FOXN3: variants seen among roughly 807,000 people sequenced by gnomAD.
FOXN3 encodes the protein forkhead box protein N3.
FOXN3 carries 7 observed loss-of-function variants against 38.4 expected under a neutral mutation model. The ratio of observed to expected loss-of-function variants is 0.18; its 90% CI spans 0.10 to 0.34. The LOEUF (loss-of-function observed/expected upper bound fraction) is 0.34. Among genes scored for constraint, FOXN3 ranks in the 10% least tolerant of loss-of-function variants. The pLI, the probability that FOXN3 is intolerant of heterozygous loss-of-function variation, is 1.00. For missense variants in FOXN3, 456 were observed against 613.4 expected (o/e 0.74, Z 2.71); for synonymous variants, 230 against 242.2 (o/e 0.95, Z 0.47).
chr14:89,236,752 G>T (rs752868903), intron 4 of FOXN3, among the ~76,000 whole-genome samples: 6 of 152,178 alleles, frequency 3.9e-5, no homozygotes, highest in African/African-American at 9.7e-5. Context: ...CTAGCTGTGG[G>T]GACACTTAAA....
chr14:89,475,206 T>C (rs1276005265), intron 1 of FOXN3, among the ~76,000 whole-genome samples: 2 of 152,232 alleles, frequency 1.3e-5, no homozygotes, highest in African/African-American at 2.4e-5. Flanking sequence ...TATAAAGACA[T>C]AGATATTTAC....
At chr14:89,274,920 G>A (rs1172851016) in intron 4 of FOXN3, among the ~76,000 whole-genome samples, 1 of 152,218 alleles carries the variant, frequency 6.6e-6, no homozygotes, top group Admixed American at 6.5e-5. Context: ...CCAGGAAGGC[G>A]AAGAGTGCAA....
chr14:89,503,273 C>T (rs1893840556), intron 1 of FOXN3, among the ~76,000 whole-genome samples: 1 of 151,774 alleles, frequency 6.6e-6, no homozygotes, highest in Non-Finnish European at 1.5e-5. Flanking sequence ...AACATTGTTC[C>T]TTCTATATTA....
intron 3 of FOXN3, among the ~76,000 whole-genome samples, chr14:89,309,716 G>A (rs1189434121): frequency 1.3e-5 from 2 of 152,080 alleles, no homozygotes; most frequent in Non-Finnish European, 1.5e-5. Flanking sequence ...GGGGTGCGAC[G>A]GAACCATTTT....
chr14:89,399,399 C>G (rs1246584502), intron 2 of FOXN3, among the ~76,000 whole-genome samples: 1 of 152,138 alleles, frequency 6.6e-6, no homozygotes, highest in East Asian at 1.9e-4. Flanking sequence ...TGAGTGTCCA[C>G]GTGGCCGCAG....
chr14:89,521,384 GAC>G (rs1555358486), intron 1 of FOXN3, among the ~76,000 whole-genome samples: 3 of 150,204 alleles, frequency 2.0e-5, no homozygotes, highest in African/African-American at 7.4e-5. Context: ...GAGAGAGAGA[GAC>G]AGATAGAATA....
chr14:89,430,512 GT>G (rs1326279525), intron 1 of FOXN3, among the ~76,000 whole-genome samples: 3 of 152,150 alleles, frequency 2.0e-5, no homozygotes, highest in African/African-American at 4.8e-5. Context: ...TAGCTCTTCT[GT>G]TTTTATAAAC....
At chr14:89,270,380 G>T (rs993266402) in intron 4 of FOXN3, among the ~76,000 whole-genome samples, 1 of 152,236 alleles carries the variant, frequency 6.6e-6, no homozygotes, top group Non-Finnish European at 1.5e-5. Context: ...GCAAGACATT[G>T]CAGAAATGCT....
intron 4 of FOXN3, among the ~76,000 whole-genome samples, chr14:89,192,904 T>G (rs1887998510): frequency 1.3e-5 from 2 of 151,808 alleles, no homozygotes; most frequent in Non-Finnish European, 1.5e-5. Context: ...CTGCCCCGGG[T>G]CCCTTGGTCC....
chr14:89,616,686 T>C (rs1378088115), intron 1 of FOXN3, among the ~76,000 whole-genome samples: 2 of 152,204 alleles, frequency 1.3e-5, no homozygotes, highest in African/African-American at 4.8e-5. Context: ...CCTTTCTGGC[T>C]CTCAAAAGAG....
chr14:89,568,980 A>G (rs7142032), intron 1 of FOXN3, among the ~76,000 whole-genome samples: 118,165 of 152,156 alleles, frequency 0.78, 46,791 homozygotes, highest in Non-Finnish European at 0.86. Flanking sequence ...CAAGGCGGGC[A>G]GATCACGAGG....
chr14:89,536,534 C>A (rs530192971), intron 1 of FOXN3, among the ~76,000 whole-genome samples: 30 of 152,300 alleles, frequency 2.0e-4, no homozygotes, highest in African/African-American at 5.3e-4. Flanking sequence ...ATAATCCCAG[C>A]ACTTTGGGAG....
At chr14:89,337,346 G>C (rs975331853) in intron 3 of FOXN3, among the ~76,000 whole-genome samples, 1 of 152,196 alleles carries the variant, frequency 6.6e-6, no homozygotes. Context: ...AAGAAGAAAA[G>C]AATGTAGGGG....
intron 1 of FOXN3, among the ~76,000 whole-genome samples, chr14:89,534,175 G>A (rs1465984925): frequency 4.2e-5 from 6 of 142,194 alleles, no homozygotes; most frequent in African/African-American, 1.3e-4. Flanking sequence ...GCTCTATCTC[G>A]GCTCACTGCA....
intron 2 of FOXN3, among the ~76,000 whole-genome samples, chr14:89,372,720 TA>T (rs5810458): frequency 0.42 from 60,974 of 143,948 alleles, 13,815 homozygotes; most frequent in Admixed American, 0.56. Flanking sequence ...TCTCATGGGG[TA>T]AAAAAAAAAA....
chr14:89,264,550 A>G (rs1301078566), intron 4 of FOXN3, among the ~76,000 whole-genome samples: 2 of 152,202 alleles, frequency 1.3e-5, no homozygotes, highest in South Asian at 2.1e-4. Flanking sequence ...CATCACAAGG[A>G]TAACCAGAAC....
chr14:89,236,942 A>G (rs911218992), intron 4 of FOXN3, among the ~76,000 whole-genome samples: 3 of 152,182 alleles, frequency 2.0e-5, no homozygotes, highest in African/African-American at 7.2e-5. Context: ...AGAGATTCTC[A>G]CTGGTCTTCT....
intron 2 of FOXN3, among the ~76,000 whole-genome samples, chr14:89,407,146 TACTTCCTTCCATTTGACAGGAA>T (rs1169105488): frequency 6.6e-6 from 1 of 152,180 alleles, no homozygotes; most frequent in Non-Finnish European, 1.5e-5. Flanking sequence ...CAGACGTTCG[TACTTCCTTCCATTTGACAGGAA>T]ATAGAAGGAG....
intron 1 of FOXN3, among the ~76,000 whole-genome samples, chr14:89,443,786 G>A (rs1892437555): frequency 6.6e-6 from 1 of 152,018 alleles, no homozygotes; most frequent in Non-Finnish European, 1.5e-5. Context: ...AAGGTGGGCG[G>A]GTCACCTGAG....
Sources: allele counts gnomAD v4.1 joint callset (sites outside exome capture counted in the v4.1 genomes callset), GRCh38; gene constraint gnomAD v4.1.1; transcripts MANE v1.5; gene names NCBI Gene and HGNC (gene_info 2026-07-23, HGNC 2026-07-21).